TENM4: variants seen among roughly 807,000 people sequenced by gnomAD.
TENM4 encodes teneurin-4.
A neutral mutation model predicts 243.3 loss-of-function variants in TENM4; 82 were observed. That is an observed-to-expected ratio of 0.34 (90% CI 0.28 to 0.40). TENM4 has a LOEUF of 0.40. Ranked by LOEUF, TENM4 falls within the 10% of genes least tolerant of loss-of-function variation. The probability of loss-of-function intolerance (pLI) is 1.00; values close to 1 mark genes in which losing one functional copy is unlikely to be tolerated. For missense variants in TENM4, 3,138 were observed against 3,673.3 expected, an observed-to-expected ratio of 0.85 and a Z score of 3.77; for synonymous variants, 1,412 against 1,456.3, an observed-to-expected ratio of 0.97 and a Z score of 0.69.
chr11:78,756,743 C>T, intron 19 of TENM4, 62 bp downstream of exon 19: 1 of 1,492,660 alleles, frequency 6.7e-7, no homozygotes, highest in Non-Finnish European at 9.2e-7. Flanking sequence ...CCAAAAGAGG[C>T]TCTAGAGTGA....
intron 7 of TENM4, among the ~76,000 whole-genome samples, chr11:78,895,093 C>CA (rs1436979171): frequency 2.0e-5 from 3 of 150,856 alleles, no homozygotes; most frequent in Non-Finnish European, 4.4e-5. Context: ...CCTGTAATCC[C>CA]AGCACTTTGG....
intron 4 of TENM4, among the ~76,000 whole-genome samples, chr11:79,118,476 C>G (rs1243152433): frequency 1.3e-5 from 2 of 152,186 alleles, no homozygotes; most frequent in East Asian, 3.8e-4. Context: ...CACTACTGTG[C>G]TGCCATCACC....
At chr11:79,055,191 C>T (rs1859911698) in intron 6 of TENM4, among the ~76,000 whole-genome samples, 1 of 151,216 alleles carries the variant, frequency 6.6e-6, no homozygotes, top group Non-Finnish European at 1.5e-5. Context: ...CTTCTATGTG[C>T]CATACACTTT....
intron 1 of TENM4, among the ~76,000 whole-genome samples, chr11:79,435,026 G>C (rs1859243685): frequency 6.6e-6 from 1 of 152,180 alleles, no homozygotes; most frequent in Non-Finnish European, 1.5e-5. Context: ...GAGGAAAAGA[G>C]AGCATGAAAA....
intron 6 of TENM4, among the ~76,000 whole-genome samples, chr11:79,001,328 C>T (rs1858319473): frequency 6.6e-6 from 1 of 152,088 alleles, no homozygotes; most frequent in Non-Finnish European, 1.5e-5. Context: ...GATGCAGATG[C>T]TGGGCTGAAG....
At chr11:78,873,110 C>G (rs1859178596) in intron 9 of TENM4, among the ~76,000 whole-genome samples, 1 of 152,216 alleles carries the variant, frequency 6.6e-6, no homozygotes, top group Non-Finnish European at 1.5e-5. Context: ...TTCCCAGTCT[C>G]CAGTCCCATG....
At chr11:78,731,063 T>C (rs1439260076) in intron 21 of TENM4, among the ~76,000 whole-genome samples, 1 of 152,198 alleles carries the variant, frequency 6.6e-6, no homozygotes, top group Non-Finnish European at 1.5e-5. Flanking sequence ...TTTATGTGTA[T>C]TTCATGAATC....
chr11:79,420,553 C>T (rs2135588799), intron 1 of TENM4, among the ~76,000 whole-genome samples: 1 of 152,270 alleles, frequency 6.6e-6, no homozygotes, highest in South Asian at 2.1e-4. Context: ...CTCTTATGTG[C>T]TATTTATGCC....
In TENM4 at chr11:78,668,972, A is replaced by G. The variant is rs1858236017; in HGVS notation, c.7373T>C (p.Ile2458Thr). 1.2e-6 allele frequency: 2 copies of G among 1,613,572 alleles called. No individual in the cohort carries two copies. The highest frequency in any genetic ancestry group is 1.7e-5 in the Admixed American group (1 of 59,990). ...NLYMFKNNNP[I>T]SNSQDIKCFM... ...GCACTTGATGTCCTGGGAGTTGCTG[A>G]TGGGGTTGTTGTTTTTGAACATATA... Residue 2458 changes from isoleucine (I) to threonine (T), a missense_variant, in exon 32 of 34, where the codon ATC becomes ACC. Around this residue, in one of 2 missense-constraint regions of TENM4, gnomAD observed 2,467 missense variants for 3,059.1 expected, o/e 0.81. Transcript: ENST00000278550.
At chr11:79,127,156 G>A (rs542572473) in intron 4 of TENM4, among the ~76,000 whole-genome samples, 1 of 152,314 alleles carries the variant, frequency 6.6e-6, no homozygotes, top group African/African-American at 2.4e-5. Flanking sequence ...CTCCCTGACT[G>A]GTAGTGTGAG....
At chr11:79,189,531 T>C (rs1447988397) in intron 3 of TENM4, among the ~76,000 whole-genome samples, 2 of 152,220 alleles carry the variant, frequency 1.3e-5, no homozygotes, top group Non-Finnish European at 1.5e-5. Flanking sequence ...GAATCAAACA[T>C]ACCTTTTTTA....
intron 6 of TENM4, among the ~76,000 whole-genome samples, chr11:78,970,631 G>T (rs554500859): frequency 6.6e-6 from 1 of 152,330 alleles, no homozygotes; most frequent in Non-Finnish European, 1.5e-5. Context: ...CGTGGGCAAA[G>T]CAGTCCAAGA....
intron 1 of TENM4, among the ~76,000 whole-genome samples, chr11:79,360,552 A>G (rs897900103): frequency 6.6e-6 from 1 of 152,198 alleles, no homozygotes; most frequent in Non-Finnish European, 1.5e-5. Context: ...AAAATCAAGG[A>G]TATAAAATCA....
At position 78,945,308 on chromosome 11, in the gene TENM4, T is replaced by C. The variant is rs552208572; in HGVS notation, c.494-41785A>G. 7.2e-5 allele frequency among the ~76,000 whole-genome samples: 11 copies of C among 152,362 alleles called. No homozygotes were observed. In the South Asian group the frequency reaches 2.1e-3, roughly 29 times the overall value. On this transcript the variant is annotated intron_variant, in intron 6 of 33. Transcript: ENST00000278550. Reference sequence around the variant, plus strand: ...ACATTTCAAATGTTTAAACTATTACTATCTCTGTTATGGTGATCTGTGATC... The same window carrying C: ...ACATTTCAAATGTTTAAACTATTACCATCTCTGTTATGGTGATCTGTGATC...
chr11:78,688,847 C>T (rs1475629482), intron 28 of TENM4, among the ~76,000 whole-genome samples: 2 of 152,190 alleles, frequency 1.3e-5, no homozygotes, highest in Non-Finnish European at 1.5e-5. Flanking sequence ...ATTTTTGTAA[C>T]TGCAACTCTT....
rs548380880 is a variant in TENM4 at position 79,165,631 on chromosome 11, C to T, written c.-162-16825G>A. 2.0e-5 allele frequency among the ~76,000 whole-genome samples: 3 copies of T among 152,212 alleles called. No homozygotes were observed. The South Asian group carries it at 6.2e-4, about 32-fold the overall frequency. ...GTTATTTCTTTTGCTGTGCAAAAAC[C>T]TTTTGGTATCATTAGGTCCCATCTA... On this transcript the variant is annotated intron_variant, in intron 3 of 33. Coordinates refer to ENST00000278550, the MANE Select transcript of TENM4 (RefSeq NM_001098816.3).
chr11:78,828,510 T>G (rs1857907720), intron 12 of TENM4, among the ~76,000 whole-genome samples: 1 of 152,246 alleles, frequency 6.6e-6, no homozygotes, highest in South Asian at 2.1e-4. Context: ...ACAATAATTA[T>G]AATGCGTGTT....
At chr11:78,706,198 G>A (rs1329003079) in intron 27 of TENM4, among the ~76,000 whole-genome samples, 3 of 152,136 alleles carry the variant, frequency 2.0e-5, no homozygotes, top group African/African-American at 4.8e-5. Context: ...TTCTAACAGA[G>A]CGCCTGGCCC....
chr11:78,818,846 CA>C (rs1211780022), intron 12 of TENM4, among the ~76,000 whole-genome samples: 1 of 151,788 alleles, frequency 6.6e-6, no homozygotes, highest in Non-Finnish European at 1.5e-5. Flanking sequence ...TGCTTGGATC[CA>C]AATTAAAAAT....
Sources: allele counts gnomAD v4.1 joint callset (sites outside exome capture counted in the v4.1 genomes callset), GRCh38; gene constraint gnomAD v4.1.1; regional missense constraint gnomAD v4.1.1; transcripts MANE v1.5; gene names NCBI Gene and HGNC (gene_info 2026-07-23, HGNC 2026-07-21).